The following CAVIN1 variants were observed in gnomAD, a reference collection of about 807,000 sequenced individuals.
CAVIN1 encodes the protein caveolae associated protein 1.
Under a neutral mutation model 24.0 loss-of-function variants are expected in CAVIN1, and 16 were observed. The observed-to-expected ratio is 0.67, with a 90% CI of 0.45 to 1.01. CAVIN1 has a LOEUF of 1.01. Among genes scored for constraint, CAVIN1 ranks in the 50% least tolerant of loss-of-function variants. The probability of loss-of-function intolerance (pLI) is 0.00; values close to 1 mark genes in which losing one functional copy is unlikely to be tolerated. For synonymous variants in CAVIN1, 256 were observed against 256.4 expected (o/e 1.00, Z 0.02); for missense variants, 510 against 551.7 (o/e 0.92, Z 0.76).
At position 42,422,799 on chromosome 17, in the gene CAVIN1, T is replaced by G; in HGVS notation, c.299A>C (p.His100Pro). Residue 100 changes from histidine to proline, a missense_variant, in exon 1 of 2, where the codon CAC becomes CCC. His to Pro is a moderately conservative substitution (Grantham distance 77). Transcript: ENST00000357037. ...GCTCACCGTATTGCTCGTGGTGGCGTGCGCCTTGCCCAGCTTGCTCAGCTC... is the reference window on the plus strand; with the variant it reads ...GCTCACCGTATTGCTCGTGGTGGCGGGCGCCTTGCCCAGCTTGCTCAGCTC... ...QGELSKLGKA[H>P]ATTSNTVSKL... The G allele has an allele frequency of 6.2e-7, 1 of 1,613,772 alleles. No homozygotes were observed. Among genetic ancestry groups the G allele is most frequent in the Non-Finnish European group, 8.5e-7 (1 of 1,179,904 alleles).
Position 42,403,065 on chromosome 17 carries a change from AG to A in CAVIN1, c.*1621del, listed in dbSNP as rs1386652566. ...TCTGCAGCTTTAGGATACTAGCTCT[AG>A]GGAAGGATTTTTTCCTTTTTAAACA... On this transcript the variant is annotated 3_prime_UTR_variant, in exon 2 of 2. Coordinates refer to ENST00000357037, the MANE Select transcript of CAVIN1 (RefSeq NM_012232.6). The A allele has an allele frequency of 6.6e-6, 1 of 152,312 alleles. No individual in the cohort carries two copies. The highest frequency in any genetic ancestry group is 1.5e-5 in the Non-Finnish European group (1 of 68,126). The allele number at this position is 152,312 out of a possible 1,614,324, so 9.4% of individuals were successfully genotyped here. A position where few individuals can be genotyped will look rare whatever the true frequency, so the allele number is the denominator to read the frequency against.
At chr17:42,411,515 A>AC (rs1180799910) in intron 1 of CAVIN1, 1 of 985,218 alleles carries the variant, frequency 1.0e-6, no homozygotes, top group Non-Finnish European at 1.2e-6. Flanking sequence ...GCTTTTGGGC[A>AC]CCCCACCCAA....
chr17:42,418,501 G>A (rs996383090), intron 1 of CAVIN1, among the ~76,000 whole-genome samples: 3 of 152,224 alleles, frequency 2.0e-5, no homozygotes, highest in Admixed American at 6.5e-5. Flanking sequence ...AAAGTGTTGG[G>A]ATTACAGGTG....
rs12453910 is a variant in CAVIN1, at chr17:42,406,376, T to C, written c.472-988A>G. Among the ~76,000 whole-genome samples the C allele has an allele frequency of 2.5e-5, 3 of 119,982 alleles. No homozygotes were observed. The South Asian group carries it at 8.1e-4, about 32-fold the overall frequency. 78.7% of individuals were successfully genotyped at this position (119,982 alleles called of 152,430 possible). ...GCATTTCCTAGACTCAAGCTATTTC[T>C]TTTTTTTTTTTTTTTTGAGATGGAG... On this transcript the variant is annotated intron_variant, in intron 1 of 1. Transcript: ENST00000357037.
intron 1 of CAVIN1, among the ~76,000 whole-genome samples, chr17:42,420,722 T>A (rs1037603271): frequency 1.3e-5 from 2 of 152,160 alleles, no homozygotes; most frequent in African/African-American, 4.8e-5. Flanking sequence ...TAAGTCTTTC[T>A]CCCTCCATAC....
Position 42,423,171 on chromosome 17 carries a change from C to T in CAVIN1, c.-74G>A, listed in dbSNP as rs938051332. On this transcript the variant is annotated 5_prime_UTR_variant, in exon 1 of 2. Coordinates refer to ENST00000357037, the MANE Select transcript of CAVIN1 (RefSeq NM_012232.6). ...CGGGAGACCCGGAGAGAAGCAGGAGCGGAAGGGAGGAGAGCTAGCGGGCGA... is the reference window on the plus strand; with the variant it reads ...CGGGAGACCCGGAGAGAAGCAGGAGTGGAAGGGAGGAGAGCTAGCGGGCGA... The T allele has an allele frequency of 2.5e-5, 30 of 1,221,128 alleles. No individual in the cohort carries two copies. The highest frequency in any genetic ancestry group is 3.2e-5 in the Non-Finnish European group (28 of 883,816). The allele number at this position is 1,221,128 out of a possible 1,614,324, so 75.6% of individuals were successfully genotyped here. A position where few individuals can be genotyped will look rare whatever the true frequency, so the allele number is the denominator to read the frequency against.
intron 1 of CAVIN1, among the ~76,000 whole-genome samples, chr17:42,416,227 G>A (rs2085510666): frequency 6.6e-6 from 1 of 152,082 alleles, no homozygotes; most frequent in South Asian, 2.1e-4. Flanking sequence ...AATTAGCCAG[G>A]TGTGGTGGCA....
intron 1 of CAVIN1, among the ~76,000 whole-genome samples, chr17:42,421,508 C>T (rs1018482139): frequency 2.0e-5 from 3 of 152,166 alleles, no homozygotes; most frequent in African/African-American, 4.8e-5. Context: ...GGGTTAGGAG[C>T]ATCAGCAGGC....
At chr17:42,416,655 C>T (rs1354272479) in intron 1 of CAVIN1, among the ~76,000 whole-genome samples, 5 of 148,788 alleles carry the variant, frequency 3.4e-5, no homozygotes, top group Admixed American at 2.0e-4. Flanking sequence ...GATTTCCTTT[C>T]GTCTTGGGAA....
intron 1 of CAVIN1, chr17:42,411,559 C>A (rs1369357828): frequency 1.0e-6 from 1 of 985,244 alleles, no homozygotes; most frequent in African/African-American, 1.7e-5. Flanking sequence ...GATCTCTTTG[C>A]AAAGCATTTT....
Position 42,404,831 on chromosome 17 carries a change from C to A in CAVIN1, c.1029G>T (p.Glu343Asp). Residue 343 changes from glutamate (E) to aspartate (D), a missense_variant, in exon 2 of 2, where the codon GAG becomes GAT. Transcript: ENST00000357037. ...CGCCCTCGTCGTCGTCGGCGCCCAC[C>A]TCCACCATCTCGGTGGCCTTGAGCA... ...VEVLKATEMV[E>D]VGADDDEGGA... The A allele has an allele frequency of 1.2e-6, 2 of 1,613,562 alleles. No homozygotes were observed. The highest frequency in any genetic ancestry group is 8.5e-7 in the Non-Finnish European group (1 of 1,179,710).
chr17:42,408,282 C>G (rs1234367552), intron 1 of CAVIN1, among the ~76,000 whole-genome samples: 1 of 151,864 alleles, frequency 6.6e-6, no homozygotes, highest in Non-Finnish European at 1.5e-5. Flanking sequence ...GCTGCCTGCT[C>G]CACCCCACCC....
chr17:42,411,364 G>A (rs2085477258), intron 1 of CAVIN1: 1 of 874,686 alleles, frequency 1.1e-6, no homozygotes, highest in South Asian at 5.2e-5. Context: ...AACCAGCCTG[G>A]GCAACACAGT....
intron 1 of CAVIN1, among the ~76,000 whole-genome samples, chr17:42,419,370 A>G (rs953122228): frequency 6.6e-6 from 1 of 151,824 alleles, no homozygotes; most frequent in Non-Finnish European, 1.5e-5. Flanking sequence ...CTGGAGTGCA[A>G]TAACACGATC....
rs71157624 is a variant in CAVIN1, at chr17:42,411,192, C to CAAAAAAAAAAAAAAAAAAA, written c.472-5805_472-5804insTTTTTTTTTTTTTTTTTTT. ...TGGGTGACAGAGTAGGACTATGTCT[C>CAAAAAAAAAAAAAAAAAAA]AAAAAAAAAAAAAAAAACTAAAAGG... On this transcript the variant is annotated intron_variant, in intron 1 of 1. Coordinates refer to ENST00000357037, the MANE Select transcript of CAVIN1 (RefSeq NM_012232.6). Among the ~76,000 whole-genome samples, 8 of 46,662 alleles carry CAAAAAAAAAAAAAAAAAAA rather than the reference C, an allele frequency of 1.7e-4. 1 individual carries two copies. Among genetic ancestry groups the CAAAAAAAAAAAAAAAAAAA allele is most frequent in the African/African-American group, 5.3e-4 (7 of 13,308 alleles). 30.6% of individuals were successfully genotyped at this position (46,662 alleles called of 152,430 possible).
Position 42,405,091 on chromosome 17 carries a change from G to C in CAVIN1, c.769C>G (p.Leu257Val), listed in dbSNP as rs1303176693. ...TTCTCCAGGTTTTCCTTGGTCTTGA[G>C]GCGCGTCTTCTCCAGGTTCTCGCGG... ...RTRENLEKTRLKTKENLEKTR... is the reference protein window; with the variant it reads ...RTRENLEKTRVKTKENLEKTR... Residue 257 changes from leucine (L) to valine (V), a missense_variant, in exon 2 of 2, where the codon CTC becomes GTC. Coordinates refer to ENST00000357037, the MANE Select transcript of CAVIN1 (RefSeq NM_012232.6). The C allele has an allele frequency of 1.2e-6, 2 of 1,614,004 alleles. No homozygotes were observed. The highest frequency in any genetic ancestry group is 1.7e-6 in the Non-Finnish European group (2 of 1,179,988).
In CAVIN1 at chr17:42,423,222, C is replaced by T; in HGVS notation, c.-125G>A. On this transcript the variant is annotated 5_prime_UTR_variant, in exon 1 of 2. Transcript: ENST00000357037. ...GAGCGGAGAGCAGAGGAAACTCGAG[C>T]CACGTCCGTGCGCACCGGGACAGCG... is the stretch of plus-strand genomic sequence containing the variant. 1 of 781,780 alleles carries T rather than the reference C, an allele frequency of 1.3e-6. No individual in the cohort carries two copies. Among genetic ancestry groups the T allele is most frequent in the Non-Finnish European group, 2.0e-6 (1 of 499,162 alleles). 48.4% of individuals were successfully genotyped at this position (781,780 alleles called of 1,614,324 possible).
intron 1 of CAVIN1, among the ~76,000 whole-genome samples, chr17:42,410,891 TCAAAAAAAAAAAAAAAA>T (rs2085471618): frequency 3.6e-5 from 1 of 27,480 alleles, no homozygotes; most frequent in African/African-American, 2.4e-4. Flanking sequence ...AGACTCTGTC[TCAAAAAAAAAAAAAAAA>T]AAAAAAAAAA....
chr17:42,414,719 G>A (rs1411178674), intron 1 of CAVIN1, among the ~76,000 whole-genome samples: 1 of 152,124 alleles, frequency 6.6e-6, no homozygotes, highest in East Asian at 1.9e-4. Context: ...GGCAATAGCA[G>A]TATTTGATAA....
Sources: gnomAD v4.1 joint callset for allele counts (sites outside exome capture counted in the v4.1 genomes callset) on GRCh38, gnomAD v4.1.1 for gene constraint, MANE v1.5 for transcripts, NCBI Gene and HGNC (gene_info 2026-07-23, HGNC 2026-07-21) for gene names.